Variants in WDR17 observed in about 807,000 individuals in gnomAD.
The protein encoded by WDR17 is WD repeat domain 17.
In WDR17, 143 loss-of-function variants were observed where a neutral mutation model predicts 161.7. The observed-to-expected ratio is 0.88, with a 90% CI of 0.77 to 1.02. WDR17 has a LOEUF of 1.02. WDR17 is among the 50% of genes least tolerant of loss of function. The probability of loss-of-function intolerance (pLI) is 0.00; values close to 1 mark genes in which losing one functional copy is unlikely to be tolerated. For missense variants in WDR17, 1,469 were observed against 1,520.9 expected, an observed-to-expected ratio of 0.97 and a Z score of 0.57; for synonymous variants, 517 against 515.6, an observed-to-expected ratio of 1.00 and a Z score of -0.04.
At chr4:176,127,915 T>C (rs139592512) in intron 5 of WDR17, among the ~76,000 whole-genome samples, 1 of 152,352 alleles carries the variant, frequency 6.6e-6, no homozygotes, top group Non-Finnish European at 1.5e-5. Flanking sequence ...CTGTTGCCTT[T>C]TGTTTCTGGC....
At chr4:176,144,067 ACTAGCCATCTGATTT>A (rs1364084072) in intron 11 of WDR17, among the ~76,000 whole-genome samples, 3 of 152,146 alleles carry the variant, frequency 2.0e-5, no homozygotes, top group African/African-American at 7.2e-5. Context: ...AGTTTATGGA[ACTAGCCATCTGATTT>A]TCACCCCAAG....
intron 1 of WDR17, among the ~76,000 whole-genome samples, chr4:176,066,303 G>A (rs913943355): frequency 2.0e-5 from 3 of 152,188 alleles, no homozygotes; most frequent in African/African-American, 7.2e-5. Context: ...AGCAAGCAGC[G>A]AATATTTATG....
chr4:176,180,873 C>T lies in WDR17; in HGVS notation c.*1294C>T, dbSNP rs1752091401. 6.6e-6 allele frequency: 1 copy of T among 152,130 alleles called. No individual in the cohort carries two copies. Among genetic ancestry groups the T allele is most frequent in the African/African-American group, 2.4e-5 (1 of 41,422 alleles). The allele number at this position is 152,130 out of a possible 1,614,324, so 9.4% of individuals were successfully genotyped here. ...TATGAAAAGCCTGATAATGTGACTACAGATATTTCAGTTGGACTAGAATTC... is the reference window on the plus strand; with the variant it reads ...TATGAAAAGCCTGATAATGTGACTATAGATATTTCAGTTGGACTAGAATTC... On this transcript the variant is annotated 3_prime_UTR_variant, in exon 29 of 29. Transcript: ENST00000508596.
chr4:176,142,211 C>A, intron 11 of WDR17, 142 bp downstream of exon 11: 1 of 496,888 alleles, frequency 2.0e-6, no homozygotes, highest in East Asian at 3.2e-5. Flanking sequence ...TGAGAAACAG[C>A]CTTGTAATTG....
chr4:176,166,154 AC>A lies in WDR17; in HGVS notation c.2991-2517del, dbSNP rs757557488. The A allele has an allele frequency of 1.4e-5, 13 of 957,470 alleles. No homozygotes were observed. The South Asian group carries it at 2.3e-4, about 17-fold the overall frequency. The allele number at this position is 957,470 out of a possible 1,614,324, so 59.3% of individuals were successfully genotyped here. Reference sequence around the variant, plus strand: ...CATGTGTTGGATACAGGTATTATCTACTTTTATTTAAGAACACATTCCTTTA... The same window carrying A: ...CATGTGTTGGATACAGGTATTATCTATTTTATTTAAGAACACATTCCTTTA... On this transcript the variant is annotated intron_variant, in intron 22 of 28. Transcript: ENST00000508596.
rs191319303 is a variant in WDR17 at position 176,119,436 on chromosome 4, A to T, written c.308-431A>T. Among the ~76,000 whole-genome samples the T allele has an allele frequency of 7.9e-3, 1,202 of 152,224 alleles. 3 individuals carry two copies. The highest frequency in any genetic ancestry group is 0.012 in the Non-Finnish European group (835 of 67,978). On this transcript the variant is annotated intron_variant, in intron 3 of 28. Coordinates refer to ENST00000508596, the MANE Select transcript of WDR17 (RefSeq NM_181265.4). ...TCCTTATAGTAGCATTTATATTTTTATTCACTAATCCCTGTCTCCCTAACA... is the reference window on the plus strand; with the variant it reads ...TCCTTATAGTAGCATTTATATTTTTTTTCACTAATCCCTGTCTCCCTAACA...
intron 1 of WDR17, among the ~76,000 whole-genome samples, chr4:176,103,387 C>T (rs1302227845): frequency 6.6e-6 from 1 of 151,792 alleles, no homozygotes; most frequent in Non-Finnish European, 1.5e-5. Flanking sequence ...CAGGGTTCAA[C>T]AAAAAGCCAC....
At chr4:176,085,758 CCTCTA>C (rs1735344647) in intron 1 of WDR17, among the ~76,000 whole-genome samples, 1 of 151,886 alleles carries the variant, frequency 6.6e-6, no homozygotes, top group Non-Finnish European at 1.5e-5. Flanking sequence ...TAGTTGATTT[CCTCTA>C]CTGAATGTTT....
chr4:176,115,624 A>G (rs566034237), intron 2 of WDR17, among the ~76,000 whole-genome samples, 172 bp from the exon 3 acceptor site: 2 of 151,984 alleles, frequency 1.3e-5, no homozygotes, highest in South Asian at 4.1e-4. Context: ...AGCTGGTTCA[A>G]TATTCATGAA....
At chr4:176,127,963 T>C (rs1292566231) in intron 5 of WDR17, among the ~76,000 whole-genome samples, 2 of 152,256 alleles carry the variant, frequency 1.3e-5, no homozygotes, top group African/African-American at 4.8e-5. Context: ...GGTTCATCCA[T>C]GTTATAGCAT....
chr4:176,156,354 A>G (rs1442237436), intron 18 of WDR17, among the ~76,000 whole-genome samples: 1 of 152,198 alleles, frequency 6.6e-6, no homozygotes, highest in African/African-American at 2.4e-5. Context: ...TCTGATGAAG[A>G]TAGCAGAAGG....
At chr4:176,091,079 T>G (rs1384657132) in intron 1 of WDR17, among the ~76,000 whole-genome samples, 2 of 152,202 alleles carry the variant, frequency 1.3e-5, no homozygotes, top group Non-Finnish European at 2.9e-5. Flanking sequence ...GTCACGGTGC[T>G]GCAGAGATTT....
chr4:176,164,094 G>A (rs931865786), intron 22 of WDR17, among the ~76,000 whole-genome samples: 1 of 152,084 alleles, frequency 6.6e-6, no homozygotes, highest in Non-Finnish European at 1.5e-5. Context: ...GAACACCACA[G>A]GTGGTAATGA....
chr4:176,161,770 T>C (rs1207731936), intron 20 of WDR17, among the ~76,000 whole-genome samples: 1 of 152,238 alleles, frequency 6.6e-6, no homozygotes, highest in Non-Finnish European at 1.5e-5. Context: ...CAATTTGACC[T>C]GTAATTCTTC....
chr4:176,126,916 C>T (rs1013458244), intron 5 of WDR17, among the ~76,000 whole-genome samples: 1 of 152,182 alleles, frequency 6.6e-6, no homozygotes, highest in African/African-American at 2.4e-5. Context: ...AAGGTGCCTG[C>T]TTCTACTTTG....
chr4:176,159,308 CAGAT>C (rs1416425895), intron 18 of WDR17, among the ~76,000 whole-genome samples: 35 of 137,898 alleles, frequency 2.5e-4, no homozygotes, highest in East Asian at 2.0e-3. Context: ...TACACACACA[CAGAT>C]GGAGAGAGAG....
intron 4 of WDR17, among the ~76,000 whole-genome samples, chr4:176,122,755 A>G (rs1225878838): frequency 6.6e-6 from 1 of 152,182 alleles, no homozygotes; most frequent in African/African-American, 2.4e-5. Flanking sequence ...TATGACCTCA[A>G]TATCTCTGTT....
intron 1 of WDR17, among the ~76,000 whole-genome samples, chr4:176,081,320 C>T (rs749606285): frequency 1.3e-5 from 2 of 152,090 alleles, no homozygotes; most frequent in Non-Finnish European, 2.9e-5. Context: ...CATTCTGTCT[C>T]GCCTGTCTGT....
chr4:176,068,461 G>T (rs542549837), intron 1 of WDR17: 2 of 152,110 alleles, frequency 1.3e-5, no homozygotes, highest in African/African-American at 4.8e-5. Flanking sequence ...TTAGCTGGGC[G>T]TGGTGGTGCA....
Sources: gnomAD v4.1 joint callset for allele counts (sites outside exome capture counted in the v4.1 genomes callset) on GRCh38, gnomAD v4.1.1 for gene constraint, MANE v1.5 for transcripts, NCBI Gene and HGNC (gene_info 2026-07-23, HGNC 2026-07-21) for gene names.